PNPLA3: variants seen among roughly 807,000 people sequenced by gnomAD.
The protein encoded by PNPLA3 is 1-acylglycerol-3-phosphate O-acyltransferase PNPLA3.
In PNPLA3, 42 loss-of-function variants were observed where a neutral mutation model predicts 43.1. That is an observed-to-expected ratio of 0.97 (90% CI 0.76 to 1.26). The LOEUF is 1.26. Ranked by LOEUF, PNPLA3 falls within the 50% of genes most tolerant of loss-of-function variation. The probability of loss-of-function intolerance (pLI) is 0.00; values close to 1 mark genes in which losing one functional copy is unlikely to be tolerated. For synonymous variants in PNPLA3, 272 were observed against 253.6 expected, an observed-to-expected ratio of 1.07 and a Z score of -0.69; for missense variants, 647 against 621.4, an observed-to-expected ratio of 1.04 and a Z score of -0.44.
In PNPLA3 at chr22:43,946,234, C is replaced by G. The variant is rs1195604870; in HGVS notation, c.1298C>G (p.Pro433Arg). 6.2e-7 allele frequency: 1 copy of G among 1,614,058 alleles called. No individual in the cohort carries two copies. Among genetic ancestry groups the G allele is most frequent in the Non-Finnish European group, 8.5e-7 (1 of 1,180,034 alleles). ...QDWPCWTPCS[P>R]KGCPAETKAE... is the part of the protein sequence containing the mutation. ...TGGCCCTGCTGGACTCCCTGCTCCCCCAAGGGCTGTCCAGCAGAGACCAAA... is the reference window on the plus strand; with the variant it reads ...TGGCCCTGCTGGACTCCCTGCTCCCGCAAGGGCTGTCCAGCAGAGACCAAA... Residue 433 changes from proline to arginine, a missense_variant, in exon 9 of 9, where the codon CCC (proline) becomes CGC (arginine). Physicochemically the swap from Pro to Arg is moderately radical, Grantham distance 103. Transcript: ENST00000216180.
At chr22:43,927,899 C>A (rs1488237669) in intron 2 of PNPLA3, among the ~76,000 whole-genome samples, 5 of 152,190 alleles carry the variant, frequency 3.3e-5, no homozygotes, top group African/African-American at 1.2e-4. Context: ...CCTCCCTTTC[C>A]TTCAACACTT....
At chr22:43,926,334 A>C (rs2049921829) in intron 1 of PNPLA3, among the ~76,000 whole-genome samples, 1 of 152,218 alleles carries the variant, frequency 6.6e-6, no homozygotes, top group Non-Finnish European at 1.5e-5. Flanking sequence ...GTGGTCTTGC[A>C]TGCCAGGAGA....
At position 43,923,958 on chromosome 22, in the gene PNPLA3, G is replaced by A; in HGVS notation, c.47G>A (p.Gly16Asp). 6.3e-7 allele frequency: 1 copy of A among 1,582,296 alleles called. No homozygotes were observed. Among genetic ancestry groups the A allele is most frequent in the Non-Finnish European group, 8.5e-7 (1 of 1,172,834 alleles). Reference protein sequence around the residue: ...RGWSLSFAGCGFLGFYHVGAT... With the variant: ...RGWSLSFAGCDFLGFYHVGAT... Reference sequence around the variant, plus strand: ...TGGAGCTTGTCCTTCGCGGGCTGCGGCTTCCTGGGCTTCTACCACGTCGGG... The same window carrying A: ...TGGAGCTTGTCCTTCGCGGGCTGCGACTTCCTGGGCTTCTACCACGTCGGG... Residue 16 changes from glycine to aspartate, a missense_variant, in exon 1 of 9, where the codon GGC (glycine) becomes GAC (aspartate). Gly to Asp is a moderately conservative substitution (Grantham distance 94). Coordinates refer to ENST00000216180, the MANE Select transcript of PNPLA3 (RefSeq NM_025225.3).
At chr22:43,933,663 T>A (rs2049976146) in intron 4 of PNPLA3, among the ~76,000 whole-genome samples, 1 of 152,204 alleles carries the variant, frequency 6.6e-6, no homozygotes, top group Non-Finnish European at 1.5e-5. Context: ...CATGAGCCAT[T>A]GTACCCAGCC....
chr22:43,934,596 T>A lies in PNPLA3; in HGVS notation c.697-10T>A. The A allele has an allele frequency of 6.2e-7, 1 of 1,612,754 alleles. No individual in the cohort carries two copies. The highest frequency in any genetic ancestry group is 8.5e-7 in the Non-Finnish European group (1 of 1,178,800). On this transcript the variant is annotated splice_polypyrimidine_tract_variant and intron_variant, in intron 4 of 8. Transcript: ENST00000216180. ...CCCTGCTGTAGTCCCCTTGCTTGCT[T>A]TGCTCACAGGTGCTGGGAGAGATAT...
intron 3 of PNPLA3, among the ~76,000 whole-genome samples, chr22:43,931,521 T>G (rs937882755): frequency 6.6e-6 from 1 of 152,172 alleles, no homozygotes; most frequent in Non-Finnish European, 1.5e-5. Flanking sequence ...GTGAGGTTTT[T>G]GTTTGTTTTT....
chr22:43,945,782 G>A (rs1033867702), intron 8 of PNPLA3, among the ~76,000 whole-genome samples: 2 of 152,118 alleles, frequency 1.3e-5, no homozygotes, highest in African/African-American at 4.8e-5. Flanking sequence ...TCGGTTCCAA[G>A]CCTAAGGAGT....
At chr22:43,936,945 C>A in intron 5 of PNPLA3, 106 bp from the exon 6 acceptor site, 2 of 870,568 alleles carry the variant, frequency 2.3e-6, no homozygotes, top group Non-Finnish European at 1.8e-6. Flanking sequence ...TTGCATTTGG[C>A]TAATAACAGG....
At chr22:43,935,686 A>G (rs1330804651) in intron 5 of PNPLA3, among the ~76,000 whole-genome samples, 3 of 150,110 alleles carry the variant, frequency 2.0e-5, no homozygotes, top group African/African-American at 4.9e-5. Context: ...GGACACTAAG[A>G]GATGGCTGGA....
At position 43,933,039 on chromosome 22, in the gene PNPLA3, A is replaced by G. The variant is rs767812848; in HGVS notation, c.648A>G (p.Thr216=). ...CCAAGCTCAGTCTACGCCTCTGCAC[A>G]GGGAACCTCTACCTTCTCTCGAGAG... ...DITKLSLRLC[T]GNLYLLSRAF... Residue 216 remains threonine (T), a synonymous_variant, in exon 4 of 9, where the codon ACA becomes ACG. Coordinates refer to ENST00000216180, the MANE Select transcript of PNPLA3 (RefSeq NM_025225.3). 1.2e-6 allele frequency: 2 copies of G among 1,614,148 alleles called. No homozygotes were observed. Among genetic ancestry groups the G allele is most frequent in the Non-Finnish European group, 1.7e-6 (2 of 1,180,016 alleles).
chr22:43,930,195 T>C (rs1369215945), intron 3 of PNPLA3, among the ~76,000 whole-genome samples: 3 of 152,110 alleles, frequency 2.0e-5, no homozygotes, highest in East Asian at 1.9e-4. Context: ...GGAGATGTGA[T>C]TATTCATCCT....
Position 43,928,847 on chromosome 22 carries a change from C to A in PNPLA3, c.444C>A (p.Ile148=), listed in dbSNP as rs738409. 1 of 1,605,546 alleles carries A rather than the reference C, an allele frequency of 6.2e-7. No individual in the cohort carries two copies. Among genetic ancestry groups the A allele is most frequent in the Non-Finnish European group, 8.5e-7 (1 of 1,172,942 alleles). The change falls in exon 3 of 9, where the codon ATC becomes ATA. Residue 148 remains isoleucine, a synonymous_variant. Transcript: ENST00000216180. ...VVDALVCSCF[I]PFYSGLIPPS... is the part of the protein sequence containing the mutation. ...AGGCCTTGGTATGTTCCTGCTTCATCCCCTTCTACAGTGGCCTTATCCCTC... is the reference window on the plus strand; with the variant it reads ...AGGCCTTGGTATGTTCCTGCTTCATACCCTTCTACAGTGGCCTTATCCCTC...
chr22:43,928,572 T>C (rs973810966), intron 2 of PNPLA3, among the ~76,000 whole-genome samples: 4 of 151,542 alleles, frequency 2.6e-5, no homozygotes, highest in Admixed American at 2.6e-4. Context: ...GTGACTCTCA[T>C]GGGGAGCAAG....
In PNPLA3 at chr22:43,932,661, T is replaced by C. The variant is rs1238807664; in HGVS notation, c.487-217T>C. Among the ~76,000 whole-genome samples, 3 of 152,182 alleles carry C rather than the reference T, an allele frequency of 2.0e-5. No homozygotes were observed. The East Asian group carries it at 5.8e-4, about 29-fold the overall frequency. On this transcript the variant is annotated intron_variant, in intron 3 of 8. Transcript: ENST00000216180. ...GTGCAGTGCACACACTGTACAACAG[T>C]AGACGGCAACCCTGAGAGCCAGAGT...
In PNPLA3 at chr22:43,927,115, A is replaced by G. The variant is rs1180297606; in HGVS notation, c.368A>G (p.Asp123Gly). ...GGCATCTCTCTTACCAGAGTGTCTGATGGGGAAAACGTTCTGGTGTCTGAC... is the reference window on the plus strand; with the variant it reads ...GGCATCTCTCTTACCAGAGTGTCTGGTGGGGAAAACGTTCTGGTGTCTGAC... The part of the protein sequence containing the change: ...KIGISLTRVS[D>G]GENVLVSDFR... The change falls in exon 2 of 9, where the codon GAT becomes GGT. Residue 123 changes from aspartate (D) to glycine (G), a missense_variant. By Grantham distance (94) the Asp-to-Gly change is moderately conservative. Transcript: ENST00000216180. 2 of 1,614,212 alleles carry G rather than the reference A, an allele frequency of 1.2e-6. No individual in the cohort carries two copies. Among genetic ancestry groups the G allele is most frequent in the South Asian group, 2.2e-5 (2 of 91,078 alleles).
At position 43,927,155 on chromosome 22, in the gene PNPLA3, C is replaced by G; in HGVS notation, c.408C>G (p.Asp136Glu). Residue 136 changes from aspartate to glutamate, a missense_variant, in exon 2 of 9, where the codon GAC becomes GAG. Asp to Glu is a conservative substitution (Grantham distance 45, BLOSUM62 2). Coordinates refer to ENST00000216180, the MANE Select transcript of PNPLA3 (RefSeq NM_025225.3). ...NVLVSDFRSK[D>E]EVVDALVCSC... ...TGGTGTCTGACTTTCGGTCCAAAGA[C>G]GAAGTCGTGGATGTAAGCAGTTTGC... is the stretch of plus-strand genomic sequence containing the variant. 6 of 1,613,962 alleles carry G rather than the reference C, an allele frequency of 3.7e-6. No homozygotes were observed. Among genetic ancestry groups the G allele is most frequent in the Non-Finnish European group, 4.2e-6 (5 of 1,179,834 alleles).
intron 7 of PNPLA3, among the ~76,000 whole-genome samples, chr22:43,944,037 T>TGA (rs1319644694): frequency 1.3e-5 from 2 of 152,058 alleles, no homozygotes; most frequent in Non-Finnish European, 2.9e-5. Flanking sequence ...CTGCCTGCCT[T>TGA]GGCCTCCCAA....
intron 1 of PNPLA3, 47 bp downstream of exon 1, chr22:43,924,145 C>T (rs1303994082): frequency 2.8e-6 from 4 of 1,433,866 alleles, no homozygotes; most frequent in Admixed American, 5.9e-5. Context: ...AGTGGGTGCC[C>T]CCTAGGCCGG....
chr22:43,935,811 G>A (rs879735389), intron 5 of PNPLA3, among the ~76,000 whole-genome samples: 2 of 152,122 alleles, frequency 1.3e-5, no homozygotes, highest in Non-Finnish European at 2.9e-5. Flanking sequence ...GCATCCTGCA[G>A]TGGTAGGGAG....
Sources: allele counts gnomAD v4.1 joint callset (sites outside exome capture counted in the v4.1 genomes callset), GRCh38; gene constraint gnomAD v4.1.1; transcripts MANE v1.5; gene names NCBI Gene and HGNC (gene_info 2026-07-23, HGNC 2026-07-21).